MTO1: variants seen among roughly 807,000 people sequenced by gnomAD.
The protein encoded by MTO1 is mitochondrial tRNA translation optimization 1, also known as 5-taurinomethyluridine-[tRNA] synthase subunit MTO1, mitochondrial.
MTO1 carries 46 observed loss-of-function variants against 71.6 expected under a neutral mutation model. The ratio of observed to expected loss-of-function variants is 0.64; its 90% CI spans 0.51 to 0.82. The LOEUF is 0.82. Ranked by LOEUF, MTO1 falls within the 40% of genes least tolerant of loss-of-function variation. MTO1 has a pLI of 0.00. For synonymous variants in MTO1, 297 were observed against 312.1 expected (o/e 0.95, Z 0.51); for missense variants, 773 against 867.5 (o/e 0.89, Z 1.37).
rs1333235936 is a variant in MTO1 at position 73,505,389 on chromosome 6, G to A, written c.*4654G>A. On this transcript the variant is annotated 3_prime_UTR_variant, in exon 12 of 12. Coordinates refer to ENST00000498286, the MANE Select transcript of MTO1 (RefSeq NM_012123.4). ...AAACCTTGAAAAAGTTATGCTAACT[G>A]AAATCAGCCAGTCACAAAAAGACAA... 2.0e-5 allele frequency: 3 copies of A among 152,208 alleles called. No homozygotes were observed. The highest frequency in any genetic ancestry group is 4.4e-5 in the Non-Finnish European group (3 of 68,062). The allele number at this position is 152,208 out of a possible 1,614,324, so 9.4% of individuals were successfully genotyped here.
chr6:73,493,125 G>A (rs1348251974), intron 10 of MTO1, among the ~76,000 whole-genome samples: 1 of 150,732 alleles, frequency 6.6e-6, no homozygotes, highest in African/African-American at 2.4e-5. Context: ...CTCCTGAGTA[G>A]CTGGGATTAC....
In MTO1 at chr6:73,504,287, A is replaced by ACC. The variant is rs1321664319; in HGVS notation, c.*3552_*3553insCC. Reference sequence around the variant, plus strand: ...GCTGGGACTACAGGTGTGCACCACCATGCACGGCTAATTTTTAAGTTTTTG... The same window carrying ACC: ...GCTGGGACTACAGGTGTGCACCACCACCTGCACGGCTAATTTTTAAGTTTTTG... On this transcript the variant is annotated 3_prime_UTR_variant, in exon 12 of 12. Transcript: ENST00000498286. 6.6e-6 allele frequency: 1 copy of ACC among 152,158 alleles called. No homozygotes were observed. The highest frequency in any genetic ancestry group is 6.6e-5 in the Admixed American group (1 of 15,260). 9.4% of individuals were successfully genotyped at this position (152,158 alleles called of 1,614,324 possible). A position where few individuals can be genotyped will look rare whatever the true frequency, so the allele number is the denominator to read the frequency against.
intron 10 of MTO1, among the ~76,000 whole-genome samples, chr6:73,497,157 C>CTGTTTTTTTTTTTTT (rs1772003682): frequency 1.1e-5 from 1 of 92,718 alleles, no homozygotes; most frequent in African/African-American, 4.1e-5. Flanking sequence ...GAAGCAAATT[C>CTGTTTTTTTTTTTTT]TTTTTTTTTT....
chr6:73,462,499 CAGGTGG>C (rs1435218973), intron 1 of MTO1, among the ~76,000 whole-genome samples: 1 of 152,144 alleles, frequency 6.6e-6, no homozygotes, highest in African/African-American at 2.4e-5. Context: ...GATGCCAAGG[CAGGTGG>C]ATCACCTGAG....
At chr6:73,462,166 C>T (rs1222270597) in intron 1 of MTO1, 95 bp downstream of exon 1, 3 of 1,333,422 alleles carry the variant, frequency 2.2e-6, no homozygotes, top group Non-Finnish European at 3.1e-6. Context: ...TTCCTTTCCT[C>T]AAAGCTAGTG....
chr6:73,465,170 T>TC (rs1466074324), intron 1 of MTO1, among the ~76,000 whole-genome samples: 1 of 151,976 alleles, frequency 6.6e-6, no homozygotes, highest in Non-Finnish European at 1.5e-5. Context: ...TTTTTTCTTT[T>TC]CTTTTTTTTT....
chr6:73,475,151 C>T (rs1460213431), intron 4 of MTO1, among the ~76,000 whole-genome samples: 1 of 151,848 alleles, frequency 6.6e-6, no homozygotes, highest in Admixed American at 6.6e-5. Context: ...TTAATAGAGA[C>T]AGGGTCTCGC....
At chr6:73,465,672 A>T (rs1398540488) in intron 1 of MTO1, among the ~76,000 whole-genome samples, 1 of 152,094 alleles carries the variant, frequency 6.6e-6, no homozygotes, top group Non-Finnish European at 1.5e-5. Flanking sequence ...CAGTAAAAAT[A>T]TGCATCAAGG....
rs1269916272 is a variant in MTO1, at chr6:73,466,379, G to T, written c.388G>T (p.Asp130Tyr). The change falls in exon 2 of 12, where the codon GAT becomes TAT. Residue 130 changes from aspartate to tyrosine, a missense_variant. Asp to Tyr is a radical substitution (Grantham distance 160). Coordinates refer to ENST00000498286, the MANE Select transcript of MTO1 (RefSeq NM_012123.4). Reference sequence around the variant, plus strand: ...TGTGTGGGGTCTGAGAGCTCAGATTGATAGGAAACTCTATAAACAGAACAT... The same window carrying T: ...TGTGTGGGGTCTGAGAGCTCAGATTTATAGGAAACTCTATAAACAGAACAT... The part of the protein sequence containing the change: ...PAVWGLRAQI[D>Y]RKLYKQNMQK... 1 of 1,614,144 alleles carries T rather than the reference G, an allele frequency of 6.2e-7. No individual in the cohort carries two copies. Among genetic ancestry groups the T allele is most frequent in the Non-Finnish European group, 8.5e-7 (1 of 1,180,030 alleles).
At chr6:73,491,454 T>A (rs975217443) in intron 9 of MTO1, among the ~76,000 whole-genome samples, 1 of 152,060 alleles carries the variant, frequency 6.6e-6, no homozygotes, top group Non-Finnish European at 1.5e-5. Context: ...ATATCATTTT[T>A]ATCAGTTTGT....
intron 3 of MTO1, among the ~76,000 whole-genome samples, chr6:73,467,620 A>AATAAATAAATAAATAAATAAATAG (rs1771037763): frequency 2.0e-5 from 3 of 150,716 alleles, no homozygotes; most frequent in Admixed American, 1.3e-4. Flanking sequence ...TCTCAAAATA[A>AATAAATAAATAAATAAATAAATAG]ATAAATAAAT....
In MTO1 at chr6:73,505,740, G is replaced by A. The variant is rs1165795541; in HGVS notation, c.*5005G>A. ...AGCTAATTTTTGTATTTTTAATAGA[G>A]ACAGGGTTTCACAGGTTGGCCAAGC... On this transcript the variant is annotated 3_prime_UTR_variant, in exon 12 of 12. Coordinates refer to ENST00000498286, the MANE Select transcript of MTO1 (RefSeq NM_012123.4). The A allele has an allele frequency of 2.0e-5, 3 of 152,006 alleles. No individual in the cohort carries two copies. Among genetic ancestry groups the A allele is most frequent in the Non-Finnish European group, 2.9e-5 (2 of 68,016 alleles). 9.4% of individuals were successfully genotyped at this position (152,006 alleles called of 1,614,324 possible). A position where few individuals can be genotyped will look rare whatever the true frequency, so the allele number is the denominator to read the frequency against.
chr6:73,492,168 T>C lies in MTO1; in HGVS notation c.1638-66T>C, dbSNP rs1771827640. 6.1e-6 allele frequency: 6 copies of C among 982,744 alleles called. No homozygotes were observed. The Admixed American group carries it at 1.2e-4, about 20-fold the overall frequency. The allele number at this position is 982,744 out of a possible 1,614,324, so 60.9% of individuals were successfully genotyped here. Reference sequence around the variant, plus strand: ...TGAGATCTGATATTATTTCAAAGAATCTTGTTCTTGATCTGCCTTATATGA... The same window carrying C: ...TGAGATCTGATATTATTTCAAAGAACCTTGTTCTTGATCTGCCTTATATGA... On this transcript the variant is annotated intron_variant, in intron 9 of 11. Coordinates refer to ENST00000498286, the MANE Select transcript of MTO1 (RefSeq NM_012123.4).
Position 73,479,824 on chromosome 6 carries a change from A to C in MTO1, c.918A>C (p.Lys306Asn). The stretch of plus-strand genomic sequence containing the variant: ...ACCTTCACCTTAATAGTCATGTTAA[A>C]GAAACGACAAGAGGACCTCGGTAAG... ...LKNLHLNSHV[K>N]ETTRGPRYCP... Residue 306 changes from lysine (K) to asparagine (N), a missense_variant, in exon 5 of 12, where the codon AAA becomes AAC. By Grantham distance (94) the Lys-to-Asn change is moderately conservative. Transcript: ENST00000498286. 6.2e-7 allele frequency: 1 copy of C among 1,613,228 alleles called. No individual in the cohort carries two copies. Among genetic ancestry groups the C allele is most frequent in the Non-Finnish European group, 8.5e-7 (1 of 1,179,216 alleles).
intron 6 of MTO1, chr6:73,480,337 A>G: frequency 1.4e-6 from 1 of 700,956 alleles, no homozygotes; most frequent in Non-Finnish European, 2.5e-6. Flanking sequence ...CAATGGTGCG[A>G]TCTCGGCTCA....
At chr6:73,469,084 C>T (rs1377726317) in intron 3 of MTO1, among the ~76,000 whole-genome samples, 2 of 152,276 alleles carry the variant, frequency 1.3e-5, no homozygotes, top group South Asian at 2.1e-4. Context: ...TAATCGCTCA[C>T]TGTAGCCTCC....
chr6:73,466,729 T>C (rs900542702), intron 3 of MTO1, 123 bp downstream of exon 3: 32 of 758,340 alleles, frequency 4.2e-5, no homozygotes, highest in Non-Finnish European at 1.1e-5. Context: ...TTTCTCTACC[T>C]GGATGAGGAA....
At chr6:73,465,251 C>T (rs1770950466) in intron 1 of MTO1, among the ~76,000 whole-genome samples, 1 of 151,836 alleles carries the variant, frequency 6.6e-6, no homozygotes, top group South Asian at 2.1e-4. Flanking sequence ...GCAACCTCAG[C>T]CTCCCAGGGT....
rs1772324339 is a variant in MTO1 at position 73,507,688 on chromosome 6, T to G, written c.*6953T>G. 6.6e-6 allele frequency: 1 copy of G among 152,236 alleles called. No individual in the cohort carries two copies. The highest frequency in any genetic ancestry group is 6.5e-5 in the Admixed American group (1 of 15,270). 9.4% of individuals were successfully genotyped at this position (152,236 alleles called of 1,614,324 possible). A position where few individuals can be genotyped will look rare whatever the true frequency, so the allele number is the denominator to read the frequency against. ...GGTCCTCTACTGGATTAAAAGTTTCTCCATCCCGGCAGGGTGCGGTGGCTC... is the reference window on the plus strand; with the variant it reads ...GGTCCTCTACTGGATTAAAAGTTTCGCCATCCCGGCAGGGTGCGGTGGCTC... On this transcript the variant is annotated 3_prime_UTR_variant, in exon 12 of 12. Coordinates refer to ENST00000498286, the MANE Select transcript of MTO1 (RefSeq NM_012123.4).
Sources: gnomAD v4.1 joint callset for allele counts (sites outside exome capture counted in the v4.1 genomes callset) on GRCh38, gnomAD v4.1.1 for gene constraint, MANE v1.5 for transcripts, NCBI Gene and HGNC (gene_info 2026-07-23, HGNC 2026-07-21) for gene names.